Variants in ASIC2 observed in about 807,000 individuals in gnomAD.
The protein encoded by ASIC2 is acid sensing ion channel subunit 2.
In ASIC2, 25 loss-of-function variants were observed where a neutral mutation model predicts 57.3. The observed-to-expected ratio is 0.44, with a 90% CI of 0.32 to 0.61. The LOEUF is 0.61. Among genes scored for constraint, ASIC2 ranks in the 20% least tolerant of loss-of-function variants. ASIC2 has a pLI of 0.06. For missense variants in ASIC2, 641 were observed against 738.1 expected (o/e 0.87, Z 1.52); for synonymous variants, 319 against 307.5 (o/e 1.04, Z -0.39).
intron 1 of ASIC2, among the ~76,000 whole-genome samples, chr17:34,033,154 A>G (rs1390613728): frequency 2.6e-5 from 4 of 152,228 alleles, no homozygotes. Context: ...CAGAAATTAT[A>G]ACAAACTGTC....
At chr17:33,995,966 C>G (rs1490000705) in intron 1 of ASIC2, among the ~76,000 whole-genome samples, 1 of 152,208 alleles carries the variant, frequency 6.6e-6, no homozygotes, top group African/African-American at 2.4e-5. Flanking sequence ...TTCCCACCAA[C>G]AGCGTACAAG....
At chr17:33,115,235 G>T (rs1422548991) in intron 1 of ASIC2, among the ~76,000 whole-genome samples, 1 of 152,192 alleles carries the variant, frequency 6.6e-6, no homozygotes, top group Non-Finnish European at 1.5e-5. Flanking sequence ...ATAGCTTAGA[G>T]CTTGGTCAAG....
intron 1 of ASIC2, among the ~76,000 whole-genome samples, chr17:34,029,038 T>C (rs141758101): frequency 6.6e-6 from 1 of 152,314 alleles, no homozygotes; most frequent in Non-Finnish European, 1.5e-5. Flanking sequence ...GTCTTTGACT[T>C]CGTTCAAACG....
chr17:33,647,703 A>G (rs773454381), intron 1 of ASIC2, among the ~76,000 whole-genome samples: 1 of 152,260 alleles, frequency 6.6e-6, no homozygotes, highest in Non-Finnish European at 1.5e-5. Flanking sequence ...TAAAGCCTAG[A>G]GAATGACAGA....
intron 1 of ASIC2, among the ~76,000 whole-genome samples, chr17:33,663,368 G>A (rs1907357419): frequency 1.3e-5 from 2 of 151,958 alleles, no homozygotes; most frequent in African/African-American, 4.8e-5. Flanking sequence ...TTTGTAAATG[G>A]CTCTCAGTGG....
chr17:33,700,575 G>T (rs1004900690), intron 1 of ASIC2, among the ~76,000 whole-genome samples: 1 of 152,284 alleles, frequency 6.6e-6, no homozygotes, highest in South Asian at 2.1e-4. Flanking sequence ...AGTTCCATTT[G>T]AAACAAGTAA....
At chr17:34,087,481 T>A (rs995063179) in intron 1 of ASIC2, among the ~76,000 whole-genome samples, 3 of 152,226 alleles carry the variant, frequency 2.0e-5, no homozygotes, top group African/African-American at 7.2e-5. Context: ...CATTTTTTCC[T>A]TCATTCCAAC....
chr17:33,773,495 A>G (rs1439711052), intron 1 of ASIC2, among the ~76,000 whole-genome samples: 3 of 151,948 alleles, frequency 2.0e-5, no homozygotes, highest in Non-Finnish European at 4.4e-5. Context: ...AATCAGACCA[A>G]TCTCTCTTTT....
intron 3 of ASIC2, among the ~76,000 whole-genome samples, chr17:33,050,083 A>C (rs776979852): frequency 5.9e-5 from 9 of 152,202 alleles, no homozygotes; most frequent in Non-Finnish European, 1.2e-4. Context: ...AGCCTGAGGA[A>C]GACCTCAACG....
At chr17:33,803,862 A>G (rs1379654610) in intron 1 of ASIC2, among the ~76,000 whole-genome samples, 4 of 152,132 alleles carry the variant, frequency 2.6e-5, no homozygotes, top group Non-Finnish European at 5.9e-5. Flanking sequence ...AGATTAAACT[A>G]CAGCCCAGGA....
chr17:34,030,679 G>T (rs572682357), intron 1 of ASIC2, among the ~76,000 whole-genome samples: 1 of 152,198 alleles, frequency 6.6e-6, no homozygotes, highest in Non-Finnish European at 1.5e-5. Flanking sequence ...TTTCCAATGG[G>T]CTTAAACAAC....
At chr17:34,131,868 TG>T (rs1462393257) in intron 1 of ASIC2, among the ~76,000 whole-genome samples, 2 of 152,156 alleles carry the variant, frequency 1.3e-5, no homozygotes, top group African/African-American at 4.8e-5. Context: ...GCCTGAGTGC[TG>T]GCCCACTGAC....
chr17:33,496,458 T>G (rs1021182309), intron 1 of ASIC2, among the ~76,000 whole-genome samples: 1 of 152,158 alleles, frequency 6.6e-6, no homozygotes, highest in South Asian at 2.1e-4. Flanking sequence ...TCAGTCCACA[T>G]CTAATGTTAT....
chr17:33,398,380 A>G (rs1033153507), intron 1 of ASIC2, among the ~76,000 whole-genome samples: 7 of 152,284 alleles, frequency 4.6e-5, no homozygotes, highest in African/African-American at 1.7e-4. Flanking sequence ...TAAAGGGAGG[A>G]GATAACTTAC....
intron 1 of ASIC2, among the ~76,000 whole-genome samples, chr17:33,411,207 T>C (rs983109909): frequency 3.3e-5 from 5 of 152,184 alleles, no homozygotes; most frequent in Non-Finnish European, 5.9e-5. Flanking sequence ...GTGTGTGTGG[T>C]CTTCCTGGCA....
intron 1 of ASIC2, chr17:34,079,196 G>T (rs1188739861): frequency 6.6e-6 from 1 of 152,236 alleles, no homozygotes; most frequent in African/African-American, 2.4e-5. Context: ...GCTCCCCACA[G>T]TTTTCAGGAT....
At chr17:33,056,452 C>T (rs2091998345) in intron 3 of ASIC2, among the ~76,000 whole-genome samples, 2 of 152,116 alleles carry the variant, frequency 1.3e-5, no homozygotes, top group African/African-American at 4.8e-5. Flanking sequence ...CCAGCCACCC[C>T]CCTCCCTGGC....
intron 1 of ASIC2, among the ~76,000 whole-genome samples, chr17:34,138,087 C>T (rs1912173012): frequency 6.6e-6 from 1 of 152,168 alleles, no homozygotes; most frequent in Non-Finnish European, 1.5e-5. Flanking sequence ...ACTAACTCCT[C>T]CGAGCAGAAG....
intron 1 of ASIC2, among the ~76,000 whole-genome samples, chr17:33,562,221 ATTT>A (rs3032156): frequency 2.7e-4 from 40 of 150,058 alleles, no homozygotes; most frequent in African/African-American, 3.9e-4. Context: ...CTTGTAACAC[ATTT>A]TTTTTTTTTC....
Sources: gnomAD v4.1 joint callset for allele counts (sites outside exome capture counted in the v4.1 genomes callset) on GRCh38, gnomAD v4.1.1 for gene constraint, MANE v1.5 for transcripts, NCBI Gene and HGNC (gene_info 2026-07-23, HGNC 2026-07-21) for gene names.